DGKI: variants seen among roughly 807,000 people sequenced by gnomAD.
DGKI encodes the protein diacylglycerol kinase iota, also known as DAG kinase iota.
Under a neutral mutation model 147.5 loss-of-function variants are expected in DGKI, and 55 were observed. The observed-to-expected ratio is 0.37, with a 90% CI of 0.30 to 0.47. DGKI has a LOEUF of 0.47. Ranked by LOEUF, DGKI falls within the 20% of genes least tolerant of loss-of-function variation. DGKI has a pLI of 1.00. For synonymous variants in DGKI, 469 were observed against 477.1 expected (o/e 0.98, Z 0.22); for missense variants, 1,007 against 1,323.8 (o/e 0.76, Z 3.71).
At chr7:137,492,562 A>G (rs1002257776) in intron 21 of DGKI, among the ~76,000 whole-genome samples, 1 of 152,180 alleles carries the variant, frequency 6.6e-6, no homozygotes, top group Non-Finnish European at 1.5e-5. Flanking sequence ...GAATCCTGGC[A>G]GGAGGAGACC....
chr7:137,761,141 C>T (rs988334543), intron 1 of DGKI, among the ~76,000 whole-genome samples: 8 of 152,134 alleles, frequency 5.3e-5, no homozygotes, highest in African/African-American at 1.9e-4. Flanking sequence ...TTTGTTTTGC[C>T]TTCAAGCCAC....
chr7:137,599,637 G>A (rs747663306), intron 11 of DGKI, among the ~76,000 whole-genome samples, 186 bp downstream of exon 11: 2 of 152,166 alleles, frequency 1.3e-5, no homozygotes, highest in East Asian at 3.9e-4. Flanking sequence ...GATATGTTTC[G>A]AAGGGAACTA....
chr7:137,554,015 C>T (rs1486079368), intron 19 of DGKI, among the ~76,000 whole-genome samples: 1 of 152,156 alleles, frequency 6.6e-6, no homozygotes, highest in Non-Finnish European at 1.5e-5. Context: ...GTCTAGACCA[C>T]TTTTAAGCCA....
intron 1 of DGKI, among the ~76,000 whole-genome samples, chr7:137,796,658 G>A (rs1307742425): frequency 6.6e-6 from 1 of 152,106 alleles, no homozygotes; most frequent in Non-Finnish European, 1.5e-5. Context: ...GTTCGAAAGT[G>A]CAATAACGTA....
At chr7:137,722,871 TTAAA>T (rs1475097393) in intron 1 of DGKI, 3 of 904,392 alleles carry the variant, frequency 3.3e-6, no homozygotes, top group Non-Finnish European at 3.4e-6. Flanking sequence ...AAGAACTTAA[TTAAA>T]TAGTTGACTA....
At chr7:137,452,765 C>T (rs7794327) in intron 27 of DGKI, 66,588 of 152,026 alleles carry the variant, frequency 0.44, 15,663 homozygotes, top group Non-Finnish European at 0.52. Context: ...TATTTCTTTT[C>T]CCCTCTCCTG....
intron 19 of DGKI, among the ~76,000 whole-genome samples, chr7:137,568,450 T>A (rs1818667811): frequency 6.6e-6 from 1 of 152,196 alleles, no homozygotes; most frequent in Non-Finnish European, 1.5e-5. Context: ...CTCTCCAGCC[T>A]TCCCTGCCCT....
intron 3 of DGKI, among the ~76,000 whole-genome samples, chr7:137,673,058 A>G (rs1002448424): frequency 2.6e-5 from 4 of 151,908 alleles, no homozygotes; most frequent in South Asian, 2.1e-4. Flanking sequence ...CTGGGATTAC[A>G]GGCATGAGCC....
intron 20 of DGKI, among the ~76,000 whole-genome samples, chr7:137,528,232 T>C (rs770617789): frequency 6.6e-6 from 1 of 152,294 alleles, no homozygotes; most frequent in South Asian, 2.1e-4. Context: ...GATCAGGAAA[T>C]AAATCCATGT....
rs200639520 is a variant in DGKI at position 137,656,489 on chromosome 7, C to A, written c.658G>T (p.Ala220Ser). Residue 220 changes from alanine (A) to serine (S), a missense_variant, in exon 4 of 33, where the codon GCC (alanine) becomes TCC (serine). Ala to Ser is a moderately conservative substitution (Grantham distance 99). Transcript: ENST00000614521. The stretch of plus-strand genomic sequence containing the variant: ...ACCTTTTCTAGCTGCTCAATGCAGG[C>A]GGTGTGGACGACGATTTTACAGACT... ...CAVCKIVVHT[A>S]CIEQLEKINF... 1.9e-6 allele frequency: 3 copies of A among 1,614,008 alleles called. No individual in the cohort carries two copies. In the East Asian group the frequency reaches 6.7e-5, roughly 36 times the overall value.
At chr7:137,506,993 TTAGA>T (rs1438673432) in intron 21 of DGKI, among the ~76,000 whole-genome samples, 3 of 152,150 alleles carry the variant, frequency 2.0e-5, no homozygotes, top group Non-Finnish European at 4.4e-5. Context: ...CTGATAAGAA[TTAGA>T]TAGAATCAGT....
chr7:137,718,790 T>C (rs977124842), intron 1 of DGKI, among the ~76,000 whole-genome samples: 9 of 152,164 alleles, frequency 5.9e-5, no homozygotes, highest in African/African-American at 2.2e-4. Flanking sequence ...CCCAGGTGAC[T>C]CCTTAAGGGC....
intron 8 of DGKI, among the ~76,000 whole-genome samples, chr7:137,612,634 G>T (rs1257387380): frequency 6.6e-6 from 1 of 152,044 alleles, no homozygotes; most frequent in Non-Finnish European, 1.5e-5. Context: ...TATCCTGCCT[G>T]GGTCAGTGTT....
In DGKI at chr7:137,466,777, T is replaced by G. The variant is rs538476146; in HGVS notation, c.2484+125A>C. On this transcript the variant is annotated intron_variant, in intron 25 of 32. Transcript: ENST00000614521. Reference sequence around the variant, plus strand: ...AAATAAAAGGTTCAAGCTTAAGTTATGAACACCATTCCAAAATTTGTGTCT... The same window carrying G: ...AAATAAAAGGTTCAAGCTTAAGTTAGGAACACCATTCCAAAATTTGTGTCT... 5.0e-5 allele frequency: 46 copies of G among 926,378 alleles called. No homozygotes were observed. The African/African-American group carries it at 7.3e-4, about 15-fold the overall frequency. The allele number at this position is 926,378 out of a possible 1,614,324, so 57.4% of individuals were successfully genotyped here. A position where few individuals can be genotyped will look rare whatever the true frequency, so the allele number is the denominator to read the frequency against.
intron 25 of DGKI, 79 bp from the exon 26 acceptor site, chr7:137,466,114 C>A (rs1013540280): frequency 6.6e-7 from 1 of 1,524,308 alleles, no homozygotes; most frequent in Non-Finnish European, 9.0e-7. Flanking sequence ...TGAAATTCTG[C>A]AACGTGTCAA....
intron 21 of DGKI, among the ~76,000 whole-genome samples, chr7:137,517,288 AAAG>A (rs1251602917): frequency 8.7e-5 from 9 of 102,868 alleles, no homozygotes; most frequent in African/African-American, 3.6e-4. Flanking sequence ...AAAAAGAAAG[AAAG>A]AAAGAAAGAA....
At chr7:137,572,978 G>A (rs1019791104) in intron 17 of DGKI, 140 bp from the exon 18 acceptor site, 17 of 580,816 alleles carry the variant, frequency 2.9e-5, no homozygotes, top group Admixed American at 1.0e-4. Context: ...GCCGGTCACA[G>A]TGATTAAAAA....
intron 5 of DGKI, among the ~76,000 whole-genome samples, chr7:137,649,517 G>C (rs909269887): frequency 4.6e-5 from 7 of 152,000 alleles, no homozygotes; most frequent in Non-Finnish European, 1.0e-4. Context: ...TTACTTACAG[G>C]TGTTAAAATA....
rs890953792 is a variant in DGKI at position 137,384,026 on chromosome 7, T to C, written c.*7194A>G. On this transcript the variant is annotated 3_prime_UTR_variant, in exon 33 of 33. Transcript: ENST00000614521. ...TATTAAACCTCTATGTATATGACTA[T>C]GTATTATCATAACACTTAGCTTGCA... The C allele has an allele frequency of 1.3e-5, 2 of 152,092 alleles. No individual in the cohort carries two copies. The highest frequency in any genetic ancestry group is 4.8e-5 in the African/African-American group (2 of 41,448). 9.4% of individuals were successfully genotyped at this position (152,092 alleles called of 1,614,324 possible). A position where few individuals can be genotyped will look rare whatever the true frequency, so the allele number is the denominator to read the frequency against.
Sources: allele counts gnomAD v4.1 joint callset (sites outside exome capture counted in the v4.1 genomes callset), GRCh38; gene constraint gnomAD v4.1.1; transcripts MANE v1.5; gene names NCBI Gene and HGNC (gene_info 2026-07-23, HGNC 2026-07-21).